Variants in CUL2 observed in about 807,000 individuals in gnomAD.
CUL2 encodes the protein cullin-2.
CUL2 carries 22 observed loss-of-function variants against 110.2 expected under a neutral mutation model. The ratio of observed to expected loss-of-function variants is 0.20; its 90% CI spans 0.14 to 0.28. The LOEUF is 0.28. Ranked by LOEUF, CUL2 falls within the 10% of genes least tolerant of loss-of-function variation. CUL2 has a pLI of 1.00. For missense variants in CUL2, 631 were observed against 905.5 expected, an observed-to-expected ratio of 0.70 and a Z score of 3.89; for synonymous variants, 279 against 293.2, an observed-to-expected ratio of 0.95 and a Z score of 0.49.
chr10:35,103,474 G>A (rs936412030), intron 1 of CUL2, among the ~76,000 whole-genome samples: 8 of 151,784 alleles, frequency 5.3e-5, no homozygotes, highest in East Asian at 3.9e-4. Flanking sequence ...ACAGGCGCGC[G>A]CCACCATGCC....
intron 12 of CUL2, 125 bp downstream of exon 12, chr10:35,032,310 G>A (rs1380497027): frequency 5.3e-6 from 4 of 757,858 alleles, no homozygotes; most frequent in Non-Finnish European, 6.6e-6. Context: ...TATATACAAT[G>A]TAGATAATTT....
chr10:35,066,647 G>A (rs1191684484), intron 2 of CUL2, among the ~76,000 whole-genome samples: 2 of 152,188 alleles, frequency 1.3e-5, no homozygotes, highest in African/African-American at 2.4e-5. Flanking sequence ...CAGTATCTAC[G>A]AAATCATGCA....
At chr10:35,106,406 G>A (rs982064499) in intron 1 of CUL2, among the ~76,000 whole-genome samples, 1 of 151,440 alleles carries the variant, frequency 6.6e-6, no homozygotes. Context: ...TGCAAGCTCC[G>A]CCTCTCAGGT....
intron 6 of CUL2, among the ~76,000 whole-genome samples, chr10:35,049,100 T>C (rs1035885210): frequency 3.3e-5 from 5 of 152,196 alleles, no homozygotes; most frequent in African/African-American, 1.2e-4. Context: ...CCAGAGCTAA[T>C]CCAAGGATGT....
chr10:35,104,532 G>A (rs1214237033), intron 1 of CUL2, among the ~76,000 whole-genome samples: 1 of 152,044 alleles, frequency 6.6e-6, no homozygotes, highest in Non-Finnish European at 1.5e-5. Context: ...TAGAACCTTG[G>A]TGTAGGGAAG....
chr10:35,039,037 G>A lies in CUL2; in HGVS notation c.760C>T (p.Leu254=). The A allele has an allele frequency of 6.2e-7, 1 of 1,605,872 alleles. No individual in the cohort carries two copies. Among genetic ancestry groups the A allele is most frequent in the Non-Finnish European group, 8.5e-7 (1 of 1,175,254 alleles). The part of the protein sequence containing the change: ...KDEEIRCRKY[L]HPSSYTKVIH... ...ACCTTAGTATATGAACTTGGATGTA[G>A]GTATTTTCGACATCGAATTTCTTCA... Residue 254 remains leucine, a synonymous_variant, in exon 9 of 21, where the codon CTA becomes TTA. Transcript: ENST00000374749.
At chr10:35,105,674 C>T (rs1259095441) in intron 1 of CUL2, among the ~76,000 whole-genome samples, 1 of 151,274 alleles carries the variant, frequency 6.6e-6, no homozygotes, top group Non-Finnish European at 1.5e-5. Context: ...CGCCATTGCA[C>T]TCCAGCCTGG....
intron 10 of CUL2, among the ~76,000 whole-genome samples, chr10:35,033,507 C>T (rs891923807): frequency 2.0e-5 from 3 of 151,946 alleles, no homozygotes; most frequent in Non-Finnish European, 4.4e-5. Context: ...GAGGCTGAGG[C>T]GGGCGGATCA....
At chr10:35,025,056 A>G in intron 17 of CUL2, 76 bp downstream of exon 17, 2 of 1,394,042 alleles carry the variant, frequency 1.4e-6, no homozygotes, top group Non-Finnish European at 1.9e-6. Flanking sequence ...TAATTGGGCC[A>G]TAGAAAACCT....
chr10:35,061,120 A>G, intron 3 of CUL2, 152 bp from the exon 4 acceptor site: 1 of 849,898 alleles, frequency 1.2e-6, no homozygotes, highest in Middle Eastern at 3.7e-4. Context: ...TACACGTATT[A>G]AAAATGAAAC....
At chr10:35,126,942 C>T (rs984186893), upstream of CUL2, 19 of 152,168 alleles carry the variant, frequency 1.2e-4, no homozygotes, top group African/African-American at 4.3e-4. Context: ...GGGAGGCCGT[C>T]CCGGCGTGGG....
At chr10:35,101,310 A>C (rs1439043012) in intron 1 of CUL2, among the ~76,000 whole-genome samples, 1 of 152,218 alleles carries the variant, frequency 6.6e-6, no homozygotes, top group Non-Finnish European at 1.5e-5. Context: ...TCAAAACTAC[A>C]GAACCAGTTG....
chr10:35,109,512 A>T (rs1418565487), intron 1 of CUL2, among the ~76,000 whole-genome samples: 1 of 152,246 alleles, frequency 6.6e-6, no homozygotes, highest in Non-Finnish European at 1.5e-5. Flanking sequence ...ACTGTAAAGA[A>T]AAACAGTATA....
intron 5 of CUL2, among the ~76,000 whole-genome samples, chr10:35,053,886 T>C (rs186756968): frequency 2.0e-5 from 3 of 152,316 alleles, no homozygotes; most frequent in African/African-American, 7.2e-5. Context: ...GTATCCCCAA[T>C]GCCTGGCTAC....
chr10:35,111,623 C>T (rs1156778257), intron 1 of CUL2, among the ~76,000 whole-genome samples: 2 of 152,162 alleles, frequency 1.3e-5, no homozygotes, highest in Non-Finnish European at 2.9e-5. Flanking sequence ...CGTGGTGGCT[C>T]ACGCCTGTAA....
At chr10:35,116,549 G>A (rs573602154) in intron 1 of CUL2, among the ~76,000 whole-genome samples, 5 of 151,928 alleles carry the variant, frequency 3.3e-5, no homozygotes, top group South Asian at 4.2e-4. Flanking sequence ...TTGTGATCTC[G>A]TTTAACCCTC....
At chr10:35,074,323 AC>A in intron 1 of CUL2, 1 of 777,470 alleles carries the variant, frequency 1.3e-6, no homozygotes, top group South Asian at 1.5e-5. Context: ...GGTACTCCCT[AC>A]TGTGACATCA....
chr10:35,013,683 C>T lies in CUL2; in HGVS notation c.1989+16G>A. ...TGTTTCCCCCTCAAAAAAAACTTGA[C>T]ATTAAAAGCACTTACTTGTGGTGTG... On this transcript the variant is annotated intron_variant, in intron 19 of 20. Transcript: ENST00000374749. 1.3e-6 allele frequency: 2 copies of T among 1,506,456 alleles called. No homozygotes were observed. The highest frequency in any genetic ancestry group is 1.8e-6 in the Non-Finnish European group (2 of 1,104,056). 93.3% of individuals were successfully genotyped at this position (1,506,456 alleles called of 1,614,324 possible).
At chr10:35,049,988 A>G (rs886537570) in intron 5 of CUL2, among the ~76,000 whole-genome samples, 6 of 152,196 alleles carry the variant, frequency 3.9e-5, no homozygotes, top group Admixed American at 6.5e-5. Flanking sequence ...TTAAGGTTTT[A>G]TTATTAGTTG....
Sources: gnomAD v4.1 joint callset for allele counts (sites outside exome capture counted in the v4.1 genomes callset) on GRCh38, gnomAD v4.1.1 for gene constraint, MANE v1.5 for transcripts, NCBI Gene and HGNC (gene_info 2026-07-23, HGNC 2026-07-21) for gene names.